PADI3: variants seen among roughly 807,000 people sequenced by gnomAD.
The protein encoded by PADI3 is protein-arginine deiminase type-3.
In PADI3, 53 loss-of-function variants were observed where a neutral mutation model predicts 71.5. That is an observed-to-expected ratio of 0.74 (90% confidence interval 0.59 to 0.93). The LOEUF (loss-of-function observed/expected upper bound fraction) is 0.93. Among genes scored for constraint, PADI3 ranks in the 40% least tolerant of loss-of-function variants. The probability of loss-of-function intolerance (pLI) is 0.00; values close to 1 mark genes in which losing one functional copy is unlikely to be tolerated. For synonymous variants in PADI3, 361 were observed against 347.5 expected (o/e 1.04, Z -0.43); for missense variants, 821 against 868.0 (o/e 0.95, Z 0.68).
chr1:17,266,360 G>T (rs72646777), intron 4 of PADI3, among the ~76,000 whole-genome samples: 2 of 152,122 alleles, frequency 1.3e-5, no homozygotes, highest in African/African-American at 4.8e-5. Context: ...CTCTGAAGGG[G>T]TGCAGGAGGG....
rs1569922866 is a variant in PADI3, at chr1:17,279,941, C to T, written c.1556-409C>T. Among the ~76,000 whole-genome samples the T allele has an allele frequency of 2.0e-5, 3 of 152,332 alleles. No homozygotes were observed. The East Asian group carries it at 5.8e-4, about 29-fold the overall frequency. On this transcript the variant is annotated intron_variant, in intron 13 of 15. Transcript: ENST00000375460. ...GATGGTGTCTGAATCCCAGGACTGG[C>T]TGGTTCGCTGCTCAGTGAACCTATA...
chr1:17,255,835 G>A (rs938219577), intron 1 of PADI3, among the ~76,000 whole-genome samples: 11 of 152,214 alleles, frequency 7.2e-5, no homozygotes, highest in Admixed American at 2.0e-4. Flanking sequence ...TCGATGCTGC[G>A]GCTGAGGGAG....
At chr1:17,259,115 G>A (rs1477876231) in intron 1 of PADI3, among the ~76,000 whole-genome samples, 2 of 152,204 alleles carry the variant, frequency 1.3e-5, no homozygotes, top group Admixed American at 6.5e-5. Context: ...TGTCGCCCAG[G>A]CTGGAGTGCA....
intron 2 of PADI3, among the ~76,000 whole-genome samples, chr1:17,260,224 C>T (rs1255171232): frequency 6.6e-6 from 1 of 152,168 alleles, no homozygotes; most frequent in Non-Finnish European, 1.5e-5. Context: ...GGAAGACCCC[C>T]TTCCTAGGTG....
In PADI3 at chr1:17,282,882, C is replaced by T; in HGVS notation, c.1798C>T (p.Pro600Ser). Residue 600 changes from proline (P) to serine (S), a missense_variant, in exon 16 of 16, where the codon CCC (proline) becomes TCC (serine). By Grantham distance (74) the Pro-to-Ser change is moderately conservative. Transcript: ENST00000375460. ...MLVLGKHLGI[P>S]KPFGPIINGC... ...GGTGCTGGGGAAGCACCTGGGCATCCCCAAGCCCTTTGGGCCCATCATCAA... is the reference window on the plus strand; with the variant it reads ...GGTGCTGGGGAAGCACCTGGGCATCTCCAAGCCCTTTGGGCCCATCATCAA... 1 of 1,613,808 alleles carries T rather than the reference C, an allele frequency of 6.2e-7. No individual in the cohort carries two copies. Among genetic ancestry groups the T allele is most frequent in the South Asian group, 1.1e-5 (1 of 91,044 alleles).
At chr1:17,266,857 G>A (rs202101922) in intron 5 of PADI3, 21 bp downstream of exon 5, 397 of 1,560,804 alleles carry the variant, frequency 2.5e-4, no homozygotes, top group Non-Finnish European at 3.2e-4. Flanking sequence ...GGCAGCCTGA[G>A]TCCCTGGGTG....
At chr1:17,279,063 A>G (rs2073369161) in intron 13 of PADI3, among the ~76,000 whole-genome samples, 1 of 152,214 alleles carries the variant, frequency 6.6e-6, no homozygotes. Flanking sequence ...TGCCACCTTC[A>G]TCTTTCCTGG....
intron 10 of PADI3, among the ~76,000 whole-genome samples, chr1:17,274,136 GCTCT>G (rs1202198119): frequency 6.6e-6 from 1 of 152,242 alleles, no homozygotes; most frequent in Non-Finnish European, 1.5e-5. Context: ...GATGCTAGGA[GCTCT>G]CTCTCCTGAC....
chr1:17,262,406 A>G (rs772692261), intron 3 of PADI3, among the ~76,000 whole-genome samples: 2 of 152,174 alleles, frequency 1.3e-5, no homozygotes, highest in Non-Finnish European at 2.9e-5. Flanking sequence ...CTCTTTTGTA[A>G]GCAAATTGAA....
At chr1:17,278,972 C>T (rs1483885785) in intron 13 of PADI3, among the ~76,000 whole-genome samples, 4 of 152,168 alleles carry the variant, frequency 2.6e-5, no homozygotes, top group African/African-American at 9.7e-5. Context: ...TGCTCCCAAA[C>T]GCACCCTAAC....
Position 17,274,608 on chromosome 1 carries a change from C to G in PADI3, c.1156-27C>G, listed in dbSNP as rs1250655699. On this transcript the variant is annotated intron_variant, in intron 10 of 15. Transcript: ENST00000375460. ...CAGGCCCTTCCTGGTACCCTCCACC[C>G]CCGCCTGACTTGGTTTCCCTCTCCA... 6 of 1,596,456 alleles carry G rather than the reference C, an allele frequency of 3.8e-6. No individual in the cohort carries two copies. The Admixed American group carries it at 5.1e-5, about 14-fold the overall frequency.
chr1:17,263,737 T>C (rs905238872), intron 3 of PADI3, among the ~76,000 whole-genome samples: 2 of 152,214 alleles, frequency 1.3e-5, no homozygotes, highest in African/African-American at 4.8e-5. Flanking sequence ...TGCATACGGC[T>C]GACTTGGTGC....
At position 17,270,939 on chromosome 1, in the gene PADI3, A is replaced by G. The variant is rs140596018; in HGVS notation, c.892A>G (p.Met298Val). ...TVVFRVAPWI[M>V]TPSTLPPLEV... ...GGTGTTCCGAGTGGCACCCTGGATC[A>G]TGACGCCCAGCACTCTGCCACCCCT... Residue 298 changes from methionine to valine, a missense_variant, in exon 8 of 16, where the codon ATG (methionine) becomes GTG (valine). By Grantham distance (21) the Met-to-Val change is conservative (BLOSUM62 1). Coordinates refer to ENST00000375460, the MANE Select transcript of PADI3 (RefSeq NM_016233.2). 1.6e-5 allele frequency: 26 copies of G among 1,613,966 alleles called. No homozygotes were observed. The highest frequency in any genetic ancestry group is 1.9e-5 in the Non-Finnish European group (23 of 1,180,014).
rs148135315 is a variant in PADI3 at position 17,250,922 on chromosome 1, T to C, written c.92+1693T>C. ...AGATAAAGGCCATAGCTTCCTGGAG[T>C]CACCTGAGCCACACTGGAGGTTTGC... On this transcript the variant is annotated intron_variant, in intron 1 of 15. Coordinates refer to ENST00000375460, the MANE Select transcript of PADI3 (RefSeq NM_016233.2). Among the ~76,000 whole-genome samples, 742 of 152,016 alleles carry C rather than the reference T, an allele frequency of 4.9e-3. 8 individuals are homozygous for C. Among genetic ancestry groups the C allele is most frequent in the African/African-American group, 0.017 (712 of 41,456 alleles).
chr1:17,278,907 C>T (rs887525747), intron 13 of PADI3, among the ~76,000 whole-genome samples: 1 of 152,182 alleles, frequency 6.6e-6, no homozygotes. Flanking sequence ...TCTTCCAACA[C>T]AACCCTGGAG....
At chr1:17,256,211 C>T (rs1042380905) in intron 1 of PADI3, among the ~76,000 whole-genome samples, 13 of 152,330 alleles carry the variant, frequency 8.5e-5, no homozygotes, top group Admixed American at 7.2e-4. Context: ...CTGTCCTGGG[C>T]CAATGGTGTT....
At chr1:17,273,524 CAG>C (rs1404201046) in intron 10 of PADI3, 77 bp downstream of exon 10, 2 of 861,404 alleles carry the variant, frequency 2.3e-6, no homozygotes. Context: ...GTGTGGGGTA[CAG>C]AGGGCAGCAG....
chr1:17,261,796 G>A (rs1392413677), intron 2 of PADI3, among the ~76,000 whole-genome samples: 2 of 152,234 alleles, frequency 1.3e-5, no homozygotes, highest in African/African-American at 4.8e-5. Context: ...AGACAAGAAT[G>A]TTGGCTTGGA....
At chr1:17,273,315 G>A (rs571008816) in intron 9 of PADI3, 25 bp from the exon 10 acceptor site, 17 of 1,579,654 alleles carry the variant, frequency 1.1e-5, no homozygotes, top group Middle Eastern at 3.5e-4. Flanking sequence ...ACAGCTGTGC[G>A]TCTCTCGCCT....
Sources: allele counts gnomAD v4.1 joint callset (sites outside exome capture counted in the v4.1 genomes callset), GRCh38; gene constraint gnomAD v4.1.1; transcripts MANE v1.5; gene names NCBI Gene and HGNC (gene_info 2026-07-23, HGNC 2026-07-21).